The following RNF216 variants were observed in gnomAD, a reference collection of about 807,000 sequenced individuals.
The protein encoded by RNF216 is ring finger protein 216, also known as E3 ubiquitin-protein ligase RNF216.
A neutral mutation model predicts 110.8 loss-of-function variants in RNF216; 72 were observed. The observed-to-expected ratio is 0.65, with a 90% CI of 0.54 to 0.79. The LOEUF is 0.79. RNF216 is among the 30% of genes least tolerant of loss of function. The pLI is 0.00. For missense variants in RNF216, 1,342 were observed against 1,141.2 expected, an observed-to-expected ratio of 1.18 and a Z score of -2.54; for synonymous variants, 495 against 407.5, an observed-to-expected ratio of 1.21 and a Z score of -2.59.
intron 13 of RNF216, among the ~76,000 whole-genome samples, chr7:5,670,198 T>A (rs2128594444): frequency 6.6e-6 from 1 of 152,160 alleles, no homozygotes; most frequent in Admixed American, 6.5e-5. Flanking sequence ...CCTCCCAAAG[T>A]GCTGGAATTA....
chr7:5,650,307 T>G (rs377687460), intron 14 of RNF216, among the ~76,000 whole-genome samples: 16 of 152,172 alleles, frequency 1.1e-4, no homozygotes, highest in African/African-American at 3.9e-4. Flanking sequence ...CAGGTTTAAA[T>G]AGGACCCAGT....
intron 15 of RNF216, among the ~76,000 whole-genome samples, chr7:5,630,774 G>A (rs1787020631): frequency 6.6e-6 from 1 of 152,036 alleles, no homozygotes; most frequent in Non-Finnish European, 1.5e-5. Flanking sequence ...ACCAGCCCCT[G>A]TCTACACACC....
intron 13 of RNF216, 48 bp downstream of exon 13, chr7:5,711,713 A>C (rs367661416): frequency 6.6e-7 from 1 of 1,507,958 alleles, no homozygotes; most frequent in Admixed American, 1.8e-5. Context: ...AGGGCAGCCC[A>C]TAATACCATA....
intron 14 of RNF216, among the ~76,000 whole-genome samples, chr7:5,649,225 C>G (rs1338853416): frequency 6.6e-6 from 1 of 152,112 alleles, no homozygotes; most frequent in Admixed American, 6.5e-5. Context: ...AACCCCATCT[C>G]TACTAAAAAT....
intron 13 of RNF216, among the ~76,000 whole-genome samples, chr7:5,655,166 G>T (rs1788654421): frequency 6.6e-6 from 1 of 152,212 alleles, no homozygotes; most frequent in African/African-American, 2.4e-5. Flanking sequence ...AGGGCAAAAT[G>T]ACCTGGCCAG....
At chr7:5,644,436 G>A (rs911028650) in intron 14 of RNF216, among the ~76,000 whole-genome samples, 2 of 152,056 alleles carry the variant, frequency 1.3e-5, no homozygotes, top group African/African-American at 2.4e-5. Context: ...GACTAATGAC[G>A]TTCAGCATGC....
chr7:5,645,597 CTTTT>C (rs776157397), intron 14 of RNF216, among the ~76,000 whole-genome samples: 7 of 143,988 alleles, frequency 4.9e-5, no homozygotes, highest in African/African-American at 1.5e-4. Context: ...CTTAATTTTT[CTTTT>C]TTTTTTTTGC....
At chr7:5,702,705 G>T (rs180759840) in intron 13 of RNF216, among the ~76,000 whole-genome samples, 136 of 152,322 alleles carry the variant, frequency 8.9e-4, no homozygotes, top group Non-Finnish European at 1.4e-3. Flanking sequence ...AGTCTGTGAT[G>T]AATAGATTCA....
At chr7:5,638,899 C>G (rs749995616) in intron 15 of RNF216, among the ~76,000 whole-genome samples, 3 of 152,134 alleles carry the variant, frequency 2.0e-5, no homozygotes, top group Non-Finnish European at 4.4e-5. Flanking sequence ...CCTCCCAAAG[C>G]TTACAGACAT....
Position 5,624,927 on chromosome 7 carries a change from G to A in RNF216, c.2383-802C>T, listed in dbSNP as rs1786614630. On this transcript the variant is annotated intron_variant, in intron 15 of 16. Coordinates refer to ENST00000389902, the MANE Select transcript of RNF216 (RefSeq NM_207111.4). This position sits in a 1 kb window ranked among gnomAD's most constrained non-coding sequence, Gnocchi z 4.4. Reference sequence around the variant, plus strand: ...ACCATGGTGGGAGGACCGGGCTGCTGCCTCAGGACAGACCACCCGTGATGC... The same window carrying A: ...ACCATGGTGGGAGGACCGGGCTGCTACCTCAGGACAGACCACCCGTGATGC... Among the ~76,000 whole-genome samples the A allele has an allele frequency of 6.6e-6, 1 of 152,204 alleles. No individual in the cohort carries two copies. Among genetic ancestry groups the A allele is most frequent in the South Asian group, 2.1e-4 (1 of 4,832 alleles).
chr7:5,646,481 C>G (rs1049554017), intron 14 of RNF216, among the ~76,000 whole-genome samples: 2 of 151,966 alleles, frequency 1.3e-5, no homozygotes, highest in African/African-American at 4.8e-5. Flanking sequence ...ATAATGAGGT[C>G]CGGAGATCGA....
chr7:5,700,082 C>T (rs1791868590), intron 13 of RNF216, among the ~76,000 whole-genome samples: 1 of 152,166 alleles, frequency 6.6e-6, no homozygotes, highest in South Asian at 2.1e-4. Flanking sequence ...CTCCACATTC[C>T]CCGCCCTGAC....
intron 13 of RNF216, among the ~76,000 whole-genome samples, chr7:5,709,031 T>A (rs1266288938): frequency 6.6e-6 from 1 of 152,004 alleles, no homozygotes; most frequent in African/African-American, 2.4e-5. Context: ...CTTCATCGAG[T>A]GAGACAGGAA....
intron 1 of RNF216, among the ~76,000 whole-genome samples, chr7:5,775,536 C>G (rs1390080804): frequency 6.6e-6 from 1 of 152,106 alleles, no homozygotes; most frequent in East Asian, 1.9e-4. Context: ...TAAAGACTTT[C>G]AAATTTAATG....
intron 14 of RNF216, among the ~76,000 whole-genome samples, chr7:5,644,587 C>T (rs928344405): frequency 1.3e-5 from 2 of 151,822 alleles, no homozygotes; most frequent in African/African-American, 4.8e-5. Context: ...CTCACTGCAA[C>T]TTCCGCCTCC....
chr7:5,710,234 C>T (rs1030780428), intron 13 of RNF216, among the ~76,000 whole-genome samples: 8 of 152,142 alleles, frequency 5.3e-5, no homozygotes, highest in African/African-American at 1.4e-4. Context: ...GTGGCGCATA[C>T]CTGTGATCCC....
chr7:5,732,321 T>A (rs189440676), intron 5 of RNF216, among the ~76,000 whole-genome samples: 251 of 152,216 alleles, frequency 1.6e-3, no homozygotes, highest in Non-Finnish European at 3.1e-3. Flanking sequence ...CATGTGCATA[T>A]TTGATGTGGC....
At chr7:5,763,537 G>A (rs1239744940) in intron 1 of RNF216, among the ~76,000 whole-genome samples, 2 of 152,058 alleles carry the variant, frequency 1.3e-5, no homozygotes, top group Non-Finnish European at 2.9e-5. Flanking sequence ...GGCTGAGGCA[G>A]GAGAATAACT....
chr7:5,775,467 C>T (rs778852351), intron 1 of RNF216, among the ~76,000 whole-genome samples: 1 of 152,112 alleles, frequency 6.6e-6, no homozygotes, highest in African/African-American at 2.4e-5. Flanking sequence ...GTGCCCCTGG[C>T]TCTCCAGAAT....
Sources: gnomAD v4.1 joint callset for allele counts (sites outside exome capture counted in the v4.1 genomes callset) on GRCh38, gnomAD v4.1.1 for gene constraint, Gnocchi (gnomAD v3.1) non-coding constraint, MANE v1.5 for transcripts, NCBI Gene and HGNC (gene_info 2026-07-23, HGNC 2026-07-21) for gene names.